The following ABLIM1 variants were observed in gnomAD, a reference collection of about 807,000 sequenced individuals.
The protein encoded by ABLIM1 is actin binding LIM protein 1, also known as actin-binding LIM protein 1.
In ABLIM1, 40 loss-of-function variants were observed where a neutral mutation model predicts 107.0. That is an observed-to-expected ratio of 0.37 (90% CI 0.29 to 0.49). The LOEUF (loss-of-function observed/expected upper bound fraction) is 0.49. ABLIM1 is among the 20% of genes least tolerant of loss of function. The pLI is 0.97. For missense variants in ABLIM1, 857 were observed against 1,008.5 expected, an observed-to-expected ratio of 0.85 and a Z score of 2.04; for synonymous variants, 357 against 357.3, an observed-to-expected ratio of 1.00 and a Z score of 0.01.
intron 6 of ABLIM1, among the ~76,000 whole-genome samples, chr10:114,531,770 C>G (rs2065476046): frequency 6.6e-6 from 1 of 152,134 alleles, no homozygotes; most frequent in Non-Finnish European, 1.5e-5. Context: ...CCTGCCTCGG[C>G]CTCCCAAAGT....
chr10:114,579,789 A>G (rs532902272), intron 2 of ABLIM1, among the ~76,000 whole-genome samples: 112 of 152,278 alleles, frequency 7.4e-4, no homozygotes, highest in African/African-American at 2.4e-3. Context: ...TCTACTTTCT[A>G]TCTCTATGAA....
intron 14 of ABLIM1, among the ~76,000 whole-genome samples, chr10:114,449,382 C>T (rs570568466): frequency 2.6e-5 from 4 of 152,292 alleles, no homozygotes; most frequent in Admixed American, 6.5e-5. Flanking sequence ...CTCCATTTTT[C>T]GGGTAACCTT....
At chr10:114,781,023 C>T in the ABLIM1 span, among the ~76,000 whole-genome samples, 5 of 152,232 alleles carry the variant, frequency 3.3e-5, no homozygotes, top group South Asian at 4.1e-4. Context: ...CTGGTAGCCC[C>T]GTGGTTGTTA....
chr10:114,750,869 T>C (rs1401368163), intron 1 of ABLIM1, among the ~76,000 whole-genome samples: 1 of 152,224 alleles, frequency 6.6e-6, no homozygotes, highest in African/African-American at 2.4e-5. Flanking sequence ...CCAATAAGTG[T>C]GTAAGAGCAT....
chr10:114,721,037 A>T (rs2081833725), intron 1 of ABLIM1, among the ~76,000 whole-genome samples: 1 of 152,224 alleles, frequency 6.6e-6, no homozygotes, highest in South Asian at 2.1e-4. Context: ...CTAACATCAA[A>T]TGTCACTGAT....
intron 6 of ABLIM1, among the ~76,000 whole-genome samples, chr10:114,511,551 A>G (rs1198241774): frequency 6.6e-6 from 1 of 151,844 alleles, no homozygotes; most frequent in Admixed American, 6.6e-5. Context: ...TTTTCAGTAG[A>G]GACAGAGTTT....
At chr10:114,455,255 G>T in intron 12 of ABLIM1, among the ~76,000 whole-genome samples, 1 of 152,156 alleles carries the variant, frequency 6.6e-6, no homozygotes, top group East Asian at 1.9e-4. Flanking sequence ...CTGGCTTTTG[G>T]TTATTGGTGT....
intron 1 of ABLIM1, among the ~76,000 whole-genome samples, chr10:114,604,482 G>A (rs1413703106): frequency 6.6e-6 from 1 of 152,198 alleles, no homozygotes; most frequent in East Asian, 1.9e-4. Flanking sequence ...AACACTCAAG[G>A]CAACTCTATG....
At chr10:114,540,919 C>T (rs1319033068) in intron 6 of ABLIM1, among the ~76,000 whole-genome samples, 1 of 152,134 alleles carries the variant, frequency 6.6e-6, no homozygotes, top group African/African-American at 2.4e-5. Flanking sequence ...TGAATGCTAG[C>T]TTATTTGGGA....
rs113654919 is a variant in ABLIM1 at position 114,722,645 on chromosome 10, A to C, written c.-213+45416T>G. Among the ~76,000 whole-genome samples the C allele has an allele frequency of 4.6e-3, 701 of 152,278 alleles. 8 individuals are homozygous for C. The highest frequency in any genetic ancestry group is 0.016 in the African/African-American group (655 of 41,566). On this transcript the variant is annotated intron_variant, in intron 1 of 15. Transcript: ENST00000651092. ...TGTAAGGGACAAGGTGAGGAAGAAA[A>C]TTTGTTTTCCTGGTATTTCTTTTTC...
chr10:114,613,772 C>G, intron 1 of ABLIM1: 2 of 1,293,496 alleles, frequency 1.5e-6, no homozygotes, highest in South Asian at 1.2e-5. Context: ...TAGAACTACT[C>G]TCTAAACACC....
intron 8 of ABLIM1, 109 bp from the exon 9 acceptor site, chr10:114,474,065 C>T (rs11814528): frequency 0.28 from 199,632 of 720,016 alleles, 31,502 homozygotes; most frequent in African/African-American, 0.49. Flanking sequence ...AAAAGAAACA[C>T]TTATCACCTT....
intron 1 of ABLIM1, among the ~76,000 whole-genome samples, chr10:114,724,537 GC>G (rs1030755059): frequency 2.1e-4 from 32 of 152,000 alleles, no homozygotes; most frequent in African/African-American, 7.2e-4. Flanking sequence ...ACCCTGTCTT[GC>G]CCAACCTGCT....
chr10:114,779,844 C>A, the ABLIM1 span: 9 of 151,778 alleles, frequency 5.9e-5, no homozygotes, highest in Non-Finnish European at 1.2e-4. Context: ...CATGTCTCTT[C>A]ACATTCATGC....
chr10:114,516,770 C>G (rs938015381), intron 6 of ABLIM1, among the ~76,000 whole-genome samples: 1 of 152,218 alleles, frequency 6.6e-6, no homozygotes, highest in East Asian at 1.9e-4. Flanking sequence ...CAGTTAATCA[C>G]AGGGAAAGGC....
intron 14 of ABLIM1, among the ~76,000 whole-genome samples, chr10:114,450,528 T>C (rs1485369121): frequency 6.8e-6 from 1 of 146,794 alleles, no homozygotes; most frequent in Non-Finnish European, 1.5e-5. Context: ...CTCTGCCTCC[T>C]GAATTCAAGT....
At chr10:114,644,306 A>AAAAAATATATATAT (rs1408072252) in intron 1 of ABLIM1, among the ~76,000 whole-genome samples, 2 of 52,250 alleles carry the variant, frequency 3.8e-5, no homozygotes, top group Non-Finnish European at 6.3e-5. Context: ...AAAAAAAAAA[A>AAAAAATATATATAT]ATATATATAT....
At chr10:114,447,200 C>T (rs1357855958) in intron 15 of ABLIM1, among the ~76,000 whole-genome samples, 1 of 151,970 alleles carries the variant, frequency 6.6e-6, no homozygotes, top group Admixed American at 6.6e-5. Context: ...AGGTTCACTA[C>T]TGATAATATA....
At chr10:114,485,357 T>C (rs749518799) in intron 8 of ABLIM1, 1 of 1,612,754 alleles carries the variant, frequency 6.2e-7, no homozygotes, top group East Asian at 2.2e-5. Flanking sequence ...AGAAATCGGA[T>C]GAAGAACGCC....
Sources: gnomAD v4.1 joint callset for allele counts (sites outside exome capture counted in the v4.1 genomes callset) on GRCh38, gnomAD v4.1.1 for gene constraint, MANE v1.5 for transcripts, NCBI Gene and HGNC (gene_info 2026-07-23, HGNC 2026-07-21) for gene names.